Variants in MECR observed in about 807,000 individuals in gnomAD.
MECR encodes mitochondrial trans-2-enoyl-CoA reductase.
Under a neutral mutation model 49.1 loss-of-function variants are expected in MECR, and 37 were observed. The observed-to-expected ratio is 0.75, with a 90% CI of 0.58 to 0.99. MECR has a LOEUF of 0.99. MECR is among the 50% of genes least tolerant of loss of function. The pLI is 0.00. For synonymous variants in MECR, 198 were observed against 191.1 expected, an observed-to-expected ratio of 1.04 and a Z score of -0.30; for missense variants, 470 against 479.6, an observed-to-expected ratio of 0.98 and a Z score of 0.19.
chr1:29,176,883 T>C, the MECR span, among the ~76,000 whole-genome samples: 1 of 152,256 alleles, frequency 6.6e-6, no homozygotes, highest in African/African-American at 2.4e-5. Flanking sequence ...TTCTGAAGTT[T>C]AAATCCAAGT....
At chr1:29,221,452 C>A (rs1023547094) in intron 1 of MECR, among the ~76,000 whole-genome samples, 1 of 152,130 alleles carries the variant, frequency 6.6e-6, no homozygotes, top group Non-Finnish European at 1.5e-5. Flanking sequence ...GGTTTTCCTG[C>A]CAGAGGGAAT....
downstream of MECR, among the ~76,000 whole-genome samples, chr1:29,190,593 A>G (rs540328844): frequency 2.2e-4 from 34 of 152,162 alleles, no homozygotes; most frequent in Middle Eastern, 3.4e-3. Context: ...CAGGAGTTCG[A>G]GACCAGCCTG....
chr1:29,215,528 C>T lies in MECR; in HGVS notation c.406+477G>A, dbSNP rs115820199. 6.5e-3 allele frequency among the ~76,000 whole-genome samples: 963 copies of T among 149,006 alleles called. 5 individuals are homozygous for T. Among genetic ancestry groups the T allele is most frequent in the African/African-American group, 0.023 (905 of 40,154 alleles). ...GGGAGGCTGCAGTAAGCCGAGATCG[C>T]GTCACTGCACTCCAGCACAGGTGAC... is the stretch of plus-strand genomic sequence containing the variant. On this transcript the variant is annotated intron_variant, in intron 3 of 9. Coordinates refer to ENST00000263702, the MANE Select transcript of MECR (RefSeq NM_016011.5).
chr1:29,178,591 C>T, the MECR span, among the ~76,000 whole-genome samples: 78 of 151,868 alleles, frequency 5.1e-4, no homozygotes, highest in Non-Finnish European at 6.8e-4. Flanking sequence ...CTCCTGACCT[C>T]GTCATCTGCC....
In MECR at chr1:29,193,884, G is replaced by A; in HGVS notation, c.*138C>T. On this transcript the variant is annotated 3_prime_UTR_variant, in exon 10 of 10. Coordinates refer to ENST00000263702, the MANE Select transcript of MECR (RefSeq NM_016011.5). ...CTGGCCCTGGGGAAAACCGTGGCTG[G>A]CTTCACCATCCTCCTAATAGGAAGA... 2 of 1,066,876 alleles carry A rather than the reference G, an allele frequency of 1.9e-6. No individual in the cohort carries two copies. Among genetic ancestry groups the A allele is most frequent in the South Asian group, 3.1e-5 (2 of 65,200 alleles). 66.1% of individuals were successfully genotyped at this position (1,066,876 alleles called of 1,614,324 possible).
the MECR span, among the ~76,000 whole-genome samples, chr1:29,176,615 C>G: frequency 6.6e-6 from 1 of 152,136 alleles, no homozygotes; most frequent in African/African-American, 2.4e-5. Context: ...AGAAAAATCC[C>G]TGTGTAGGTG....
intron 1 of MECR, among the ~76,000 whole-genome samples, chr1:29,227,202 A>C (rs565649445): frequency 2.6e-5 from 4 of 152,128 alleles, no homozygotes; most frequent in Non-Finnish European, 2.9e-5. Flanking sequence ...ACCTCTGGTG[A>C]TCCGCCCGCC....
At position 29,216,055 on chromosome 1, in the gene MECR, A is replaced by T. The variant is rs775185425; in HGVS notation, c.356T>A (p.Val119Glu). The T allele has an allele frequency of 3.1e-6, 5 of 1,614,144 alleles. No individual in the cohort carries two copies. In the South Asian group the frequency reaches 5.5e-5, roughly 18 times the overall value. The change falls in exon 3 of 10, where the codon GTG becomes GAG. Residue 119 changes from valine (V) to glutamate (E), a missense_variant. Physicochemically the swap from Val to Glu is moderately radical, Grantham distance 121. Coordinates refer to ENST00000263702, the MANE Select transcript of MECR (RefSeq NM_016011.5). ...VAQVVAVGSNVTGLKPGDWVI... is the reference protein window; with the variant it reads ...VAQVVAVGSNETGLKPGDWVI... ...CCAGTCTCCTGGCTTCAGCCCGGTC[A>T]CATTGCTGCCCACCGCTACCACCTG... is the stretch of plus-strand genomic sequence containing the variant.
the MECR span, among the ~76,000 whole-genome samples, chr1:29,182,582 C>T: frequency 2.2e-4 from 33 of 151,906 alleles, no homozygotes; most frequent in Middle Eastern, 3.4e-3. Context: ...TTCGCTCGGT[C>T]GCCCAGGCTG....
At chr1:29,182,486 G>T in the MECR span, among the ~76,000 whole-genome samples, 9 of 152,270 alleles carry the variant, frequency 5.9e-5, no homozygotes, top group South Asian at 1.9e-3. Flanking sequence ...AGCGGAGAAG[G>T]CTGGAGCTTT....
At chr1:29,202,954 G>A (rs774335532) in intron 5 of MECR, among the ~76,000 whole-genome samples, 177 bp downstream of exon 5, 1 of 152,228 alleles carries the variant, frequency 6.6e-6, no homozygotes. Context: ...CCAAAAGCCA[G>A]CTGGACTTCA....
At chr1:29,207,025 A>T in intron 3 of MECR, 120 bp from the exon 4 acceptor site, 7 of 1,021,066 alleles carry the variant, frequency 6.9e-6, no homozygotes, top group Non-Finnish European at 1.0e-5. Context: ...GGAAGCATCC[A>T]GGATAGCATC....
At chr1:29,210,250 G>C (rs956193613) in intron 3 of MECR, among the ~76,000 whole-genome samples, 1 of 152,160 alleles carries the variant, frequency 6.6e-6, no homozygotes, top group Non-Finnish European at 1.5e-5. Flanking sequence ...CTGACCTCGT[G>C]ATCCGCCCAT....
At chr1:29,216,528 A>G in intron 2 of MECR, 60 bp downstream of exon 2, 1 of 1,523,956 alleles carries the variant, frequency 6.6e-7, no homozygotes, top group Non-Finnish European at 9.1e-7. Context: ...GGAGGAATGA[A>G]AATGAGGTGG....
intron 7 of MECR, among the ~76,000 whole-genome samples, chr1:29,199,258 C>A (rs1375415848): frequency 6.6e-6 from 1 of 151,968 alleles, no homozygotes; most frequent in Non-Finnish European, 1.5e-5. Context: ...GACGGAGTCT[C>A]CCTCTGTCGC....
chr1:29,171,970 A>G, the MECR span: 1 of 152,244 alleles, frequency 6.6e-6, no homozygotes, highest in Non-Finnish European at 1.5e-5. Context: ...CAAGGAGTGG[A>G]GGTCTTGAAC....
chr1:29,181,914 G>C, the MECR span: 1 of 470,516 alleles, frequency 2.1e-6, no homozygotes, highest in Non-Finnish European at 3.5e-6. Context: ...TCGCGAGCGC[G>C]CGCTTCCACT....
chr1:29,173,499 C>G, the MECR span: 1 of 124,666 alleles, frequency 8.0e-6, no homozygotes, highest in East Asian at 2.6e-4. Flanking sequence ...TGGAGTCTCA[C>G]TCTGTTGCCC....
At chr1:29,229,037 G>A (rs1682806381) in intron 1 of MECR, 1 of 152,104 alleles carries the variant, frequency 6.6e-6, no homozygotes, top group Admixed American at 6.6e-5. Flanking sequence ...TGTCTTCCCT[G>A]ACACAATGCT....
Sources: allele counts gnomAD v4.1 joint callset (sites outside exome capture counted in the v4.1 genomes callset), GRCh38; gene constraint gnomAD v4.1.1; transcripts MANE v1.5; gene names NCBI Gene and HGNC (gene_info 2026-07-23, HGNC 2026-07-21).